SYN2: variants seen among roughly 807,000 people sequenced by gnomAD.
The protein encoded by SYN2 is synapsin-2.
A neutral mutation model predicts 50.9 loss-of-function variants in SYN2; 19 were observed. That is an observed-to-expected ratio of 0.37 (90% CI 0.26 to 0.55). The LOEUF is 0.55. SYN2 is among the 20% of genes least tolerant of loss of function. SYN2 has a pLI of 0.81. For missense variants in SYN2, 587 were observed against 576.4 expected (o/e 1.02, Z -0.19); for synonymous variants, 255 against 224.9 (o/e 1.13, Z -1.20).
chr3:12,115,602 G>GAAAAAA, intron 1 of SYN2, among the ~76,000 whole-genome samples: 1 of 152,110 alleles, frequency 6.6e-6, no homozygotes, highest in Admixed American at 6.6e-5. Context: ...GGGTTCTTCT[G>GAAAAAA]AAACCAGTTC....
chr3:12,128,270 T>A (rs1184370436), intron 1 of SYN2, among the ~76,000 whole-genome samples: 1 of 152,172 alleles, frequency 6.6e-6, no homozygotes. Flanking sequence ...TTATGATACT[T>A]GATCTCACAA....
intron 1 of SYN2, among the ~76,000 whole-genome samples, chr3:12,063,073 A>G (rs568310081): frequency 8.7e-4 from 132 of 151,240 alleles, no homozygotes; most frequent in African/African-American, 3.1e-3. Context: ...TGCCGGGGGG[A>G]AGGATGGGAG....
At chr3:12,083,966 A>G (rs1369610183) in intron 1 of SYN2, among the ~76,000 whole-genome samples, 2 of 152,174 alleles carry the variant, frequency 1.3e-5, no homozygotes, top group Non-Finnish European at 2.9e-5. Context: ...TAGGGAGAGG[A>G]GAATGCTGGA....
chr3:12,075,679 A>G (rs1400480648), intron 1 of SYN2, among the ~76,000 whole-genome samples: 1 of 152,182 alleles, frequency 6.6e-6, no homozygotes. Flanking sequence ...AATTCCTTAT[A>G]TATTAAGAAT....
chr3:12,164,228 A>G (rs1697726879), intron 7 of SYN2, among the ~76,000 whole-genome samples: 1 of 152,212 alleles, frequency 6.6e-6, no homozygotes, highest in Non-Finnish European at 1.5e-5. Context: ...AACATTAATG[A>G]CAACAGTGGA....
intron 1 of SYN2, among the ~76,000 whole-genome samples, chr3:12,131,366 C>T (rs574516905): frequency 8.5e-5 from 13 of 152,268 alleles, no homozygotes; most frequent in East Asian, 1.9e-4. Context: ...GATTCGTGAC[C>T]GTACAGTGGA....
At chr3:12,026,542 A>G (rs2125138717) in intron 1 of SYN2, among the ~76,000 whole-genome samples, 1 of 152,336 alleles carries the variant, frequency 6.6e-6, no homozygotes, top group Admixed American at 6.5e-5. Flanking sequence ...TTGGACTTAA[A>G]GGAAGAATAG....
chr3:12,151,184 T>C lies in SYN2; in HGVS notation c.685-53T>C. Reference sequence around the variant, plus strand: ...AAATATTTGATGAGTTGATGTTTCATCTGTTTCAGAAGTTATCTAAGATAA... The same window carrying C: ...AAATATTTGATGAGTTGATGTTTCACCTGTTTCAGAAGTTATCTAAGATAA... On this transcript the variant is annotated intron_variant, in intron 4 of 12. Transcript: ENST00000621198. The C allele has an allele frequency of 7.8e-6, 10 of 1,283,878 alleles. No homozygotes were observed. In the South Asian group the frequency reaches 1.3e-4, roughly 16 times the overall value. The allele number at this position is 1,283,878 out of a possible 1,614,324, so 79.5% of individuals were successfully genotyped here.
chr3:12,152,134 C>T (rs1047105651), intron 5 of SYN2, among the ~76,000 whole-genome samples: 2 of 152,196 alleles, frequency 1.3e-5, no homozygotes, highest in Non-Finnish European at 2.9e-5. Flanking sequence ...CTCCCCACTT[C>T]CTTGGCCAAA....
intron 5 of SYN2, among the ~76,000 whole-genome samples, chr3:12,161,290 T>C (rs1162866594): frequency 1.3e-5 from 2 of 152,148 alleles, no homozygotes; most frequent in Admixed American, 6.5e-5. Flanking sequence ...GCAGAGAAAA[T>C]TGACAGTGCA....
In SYN2 at chr3:12,127,580, G is replaced by A. The variant is rs187206449; in HGVS notation, c.378-13071G>A. Among the ~76,000 whole-genome samples the A allele has an allele frequency of 4.8e-3, 724 of 152,316 alleles. 4 individuals are homozygous for A. Among genetic ancestry groups the A allele is most frequent in the African/African-American group, 0.017 (687 of 41,562 alleles). On this transcript the variant is annotated intron_variant, in intron 1 of 12. Coordinates refer to ENST00000621198, the MANE Select transcript of SYN2 (RefSeq NM_133625.6). Reference sequence around the variant, plus strand: ...CCAGCCTGCCAAAATTCAGTTGTTAGTGTCTGTTCTGGTGAATAATATCCC... The same window carrying A: ...CCAGCCTGCCAAAATTCAGTTGTTAATGTCTGTTCTGGTGAATAATATCCC...
intron 1 of SYN2, among the ~76,000 whole-genome samples, chr3:12,100,597 G>A (rs998754598): frequency 2.0e-5 from 3 of 151,950 alleles, no homozygotes; most frequent in Admixed American, 1.3e-4. Context: ...AAAAGCACAA[G>A]CAATAAAAGA....
intron 1 of SYN2, among the ~76,000 whole-genome samples, chr3:12,017,868 C>A (rs1694056432): frequency 6.6e-6 from 1 of 152,062 alleles, no homozygotes; most frequent in African/African-American, 2.4e-5. Context: ...TTGGTTCGAG[C>A]AATTTGTTGT....
chr3:12,132,263 CAA>C (rs1358955103), intron 1 of SYN2, among the ~76,000 whole-genome samples: 1 of 152,122 alleles, frequency 6.6e-6, no homozygotes, highest in Non-Finnish European at 1.5e-5. Context: ...TTTGGTAACA[CAA>C]AATGAGTAGA....
At chr3:12,044,160 T>TTC (rs150236284) in intron 1 of SYN2, among the ~76,000 whole-genome samples, 1,707 of 135,514 alleles carry the variant, frequency 0.013, 26 homozygotes, top group African/African-American at 0.035. Flanking sequence ...GAAGGCAAAG[T>TTC]TCTCTCTCTC....
intron 1 of SYN2, among the ~76,000 whole-genome samples, chr3:12,055,062 A>G (rs1050223042): frequency 3.3e-5 from 5 of 152,130 alleles, no homozygotes; most frequent in African/African-American, 4.8e-5. Context: ...TTTTGGACAT[A>G]TAGATTTTTA....
At chr3:12,009,672 C>T (rs1021484342) in intron 1 of SYN2, among the ~76,000 whole-genome samples, 1 of 152,218 alleles carries the variant, frequency 6.6e-6, no homozygotes, top group African/African-American at 2.4e-5. Flanking sequence ...TTTAAAGACT[C>T]ATCATGGAGC....
intron 1 of SYN2, among the ~76,000 whole-genome samples, chr3:12,128,629 T>C (rs946562488): frequency 2.0e-5 from 3 of 152,208 alleles, no homozygotes; most frequent in East Asian, 1.9e-4. Context: ...TGTTGACTTA[T>C]ACCTAAAATA....
intron 1 of SYN2, among the ~76,000 whole-genome samples, chr3:12,136,889 G>C (rs764548041): frequency 2.0e-5 from 3 of 152,122 alleles, no homozygotes; most frequent in Admixed American, 2.0e-4. Context: ...TACATGTTGG[G>C]TTCTGTTTAG....
Sources: gnomAD v4.1 joint callset for allele counts (sites outside exome capture counted in the v4.1 genomes callset) on GRCh38, gnomAD v4.1.1 for gene constraint, MANE v1.5 for transcripts, NCBI Gene and HGNC (gene_info 2026-07-23, HGNC 2026-07-21) for gene names.